THOC2: variants seen among roughly 807,000 people sequenced by gnomAD.
THOC2 encodes the protein THO complex 2.
A neutral mutation model predicts 128.4 loss-of-function variants in THOC2; 10 were observed. The ratio of observed to expected loss-of-function variants is 0.08; its 90% CI spans 0.05 to 0.13. The LOEUF (loss-of-function observed/expected upper bound fraction) is 0.13, where lower values mean the gene tolerates loss of function less well. Among genes scored for constraint, THOC2 ranks in the 10% least tolerant of loss-of-function variants. THOC2 has a pLI of 1.00. For missense variants in THOC2, 535 were observed against 1,155.7 expected, an observed-to-expected ratio of 0.46 and a Z score of 7.79; for synonymous variants, 393 against 396.9, an observed-to-expected ratio of 0.99 and a Z score of 0.12.
At chrX:123,675,592 G>A (rs919235660) in intron 8 of THOC2, among the ~76,000 whole-genome samples, 1 of 108,740 alleles carries the variant, frequency 9.2e-6, no homozygotes, top group Non-Finnish European at 1.9e-5. Context: ...GCAGTGAGCC[G>A]AGATTGTGCC....
At chrX:123,703,377 G>T in intron 4 of THOC2, 77 bp downstream of exon 4, 1 of 681,962 alleles carries the variant, frequency 1.5e-6, no homozygotes, top group Non-Finnish European at 2.2e-6. Context: ...AAAATTCTTA[G>T]TTTAAAACAT....
intron 8 of THOC2, among the ~76,000 whole-genome samples, chrX:123,681,217 T>C (rs2049764260): frequency 9.0e-6 from 1 of 111,690 alleles, no homozygotes; most frequent in African/African-American, 3.3e-5. Context: ...ATAAAATTAG[T>C]AAATCATCAA....
chrX:123,646,137 A>G (rs1202177726), intron 12 of THOC2, among the ~76,000 whole-genome samples: 2 of 112,242 alleles, frequency 1.8e-5, no homozygotes, highest in Non-Finnish European at 3.8e-5. Context: ...CACCACTCCC[A>G]AAGTCCTCAC....
chrX:123,670,781 A>G (rs1395880256), intron 9 of THOC2, among the ~76,000 whole-genome samples: 1 of 112,374 alleles, frequency 8.9e-6, no homozygotes, highest in African/African-American at 3.2e-5. Flanking sequence ...TATGGTCACT[A>G]TCTATTCTGA....
At chrX:123,666,009 A>G (rs1203151350) in intron 11 of THOC2, among the ~76,000 whole-genome samples, 172 bp from the exon 12 acceptor site, 1 of 111,583 alleles carries the variant, frequency 9.0e-6, no homozygotes, top group African/African-American at 3.3e-5. Flanking sequence ...ACTTTATTAC[A>G]CCAGATAATT....
chrX:123,614,359 C>T (rs2046811143), intron 33 of THOC2, among the ~76,000 whole-genome samples, 170 bp from the exon 34 acceptor site: 1 of 110,891 alleles, frequency 9.0e-6, no homozygotes, highest in Non-Finnish European at 1.9e-5. Flanking sequence ...TATACAAAGG[C>T]TTCAATTCTT....
At chrX:123,698,186 G>A (rs1400826466) in intron 4 of THOC2, among the ~76,000 whole-genome samples, 10 of 111,860 alleles carry the variant, frequency 8.9e-5, no homozygotes, top group Admixed American at 2.8e-4. Flanking sequence ...CAGGCTGGGC[G>A]CAGTGGCTCA....
At chrX:123,616,906 A>G (rs918514722) in intron 33 of THOC2, among the ~76,000 whole-genome samples, 1 of 110,854 alleles carries the variant, frequency 9.0e-6, no homozygotes, top group Non-Finnish European at 1.9e-5. Flanking sequence ...TAGCAAATAA[A>G]TAATAAAGAG....
At chrX:123,732,479 G>C (rs1352483445) in intron 1 of THOC2, among the ~76,000 whole-genome samples, 1 of 112,092 alleles carries the variant, frequency 8.9e-6, no homozygotes, top group Non-Finnish European at 1.9e-5. Context: ...AATCCGGGAC[G>C]GTTCGCCCTC....
In THOC2 at chrX:123,620,898, T is replaced by C; in HGVS notation, c.4275+9A>G. On this transcript the variant is annotated intron_variant, in intron 32 of 38. Coordinates refer to ENST00000245838, the MANE Select transcript of THOC2 (RefSeq NM_001081550.2). ...AACATGGACGCTGCCTTCCTCAGGC[T>C]ATACTAACCTTTACTGTGGAGGAAT... is the stretch of plus-strand genomic sequence containing the variant. 1.7e-6 allele frequency: 2 copies of C among 1,208,890 alleles called. No homozygotes were observed. The highest frequency in any genetic ancestry group is 2.2e-6 in the Non-Finnish European group (2 of 893,630).
intron 29 of THOC2, 66 bp downstream of exon 29, chrX:123,623,039 G>T: frequency 9.5e-7 from 1 of 1,054,655 alleles, no homozygotes; most frequent in Non-Finnish European, 1.3e-6. Flanking sequence ...CTCGTTCTGT[G>T]ATACAAAACA....
intron 22 of THOC2, 54 bp downstream of exon 22, chrX:123,631,634 G>A (rs2047488788): frequency 4.6e-5 from 53 of 1,155,122 alleles, no homozygotes; most frequent in Non-Finnish European, 5.8e-5. Flanking sequence ...AGATAAAACC[G>A]TTAAGAAATA....
At chrX:123,725,593 G>C (rs1190448685) in intron 1 of THOC2, among the ~76,000 whole-genome samples, 2 of 92,938 alleles carry the variant, frequency 2.2e-5, no homozygotes. Flanking sequence ...GGGCAGCCTG[G>C]GGAACAGAGT....
chrX:123,679,944 C>A (rs2049683959), intron 8 of THOC2, among the ~76,000 whole-genome samples: 1 of 112,293 alleles, frequency 8.9e-6, no homozygotes, highest in East Asian at 2.8e-4. Context: ...AACCACTGCA[C>A]ACAAAACACT....
intron 8 of THOC2, among the ~76,000 whole-genome samples, 161 bp from the exon 9 acceptor site, chrX:123,671,922 A>G (rs993970888): frequency 8.9e-6 from 1 of 112,229 alleles, no homozygotes; most frequent in Non-Finnish European, 1.9e-5. Context: ...ATTCAGTACA[A>G]GGATTATTAT....
intron 15 of THOC2, among the ~76,000 whole-genome samples, chrX:123,643,591 G>C (rs963832950): frequency 9.0e-6 from 1 of 110,663 alleles, no homozygotes; most frequent in Non-Finnish European, 1.9e-5. Context: ...AACTCTTTCA[G>C]ATCTAATATC....
At chrX:123,710,056 C>T (rs763147499) in intron 2 of THOC2, among the ~76,000 whole-genome samples, 1 of 111,869 alleles carries the variant, frequency 8.9e-6, no homozygotes, top group Admixed American at 9.5e-5. Context: ...CGAACTCAAA[C>T]CCCTAAGACA....
At chrX:123,624,018 C>G in intron 27 of THOC2, 42 bp downstream of exon 27, 1 of 1,183,249 alleles carries the variant, frequency 8.5e-7, no homozygotes, top group Non-Finnish European at 1.1e-6. Flanking sequence ...CACAAGTATA[C>G]AGAGAAAAAT....
At chrX:123,628,137 T>C (rs1007964331) in intron 22 of THOC2, among the ~76,000 whole-genome samples, 169 bp from the exon 23 acceptor site, 18 of 111,927 alleles carry the variant, frequency 1.6e-4, no homozygotes, top group Admixed American at 5.7e-4. Context: ...TATTTTAAGA[T>C]AAATCATCTC....
Sources: allele counts gnomAD v4.1 joint callset (sites outside exome capture counted in the v4.1 genomes callset), GRCh38; gene constraint gnomAD v4.1.1; transcripts MANE v1.5; gene names NCBI Gene and HGNC (gene_info 2026-07-23, HGNC 2026-07-21).